ELP4: variants seen among roughly 807,000 people sequenced by gnomAD.
The protein encoded by ELP4 is elongator complex protein 4.
ELP4 carries 51 observed loss-of-function variants against 48.9 expected under a neutral mutation model. The observed-to-expected ratio is 1.04, with a 90% CI of 0.83 to 1.32. The LOEUF (loss-of-function observed/expected upper bound fraction) is 1.32. Ranked by LOEUF, ELP4 falls within the 40% of genes most tolerant of loss-of-function variation. The pLI is 0.00. For synonymous variants in ELP4, 210 were observed against 189.2 expected, an observed-to-expected ratio of 1.11 and a Z score of -0.90; for missense variants, 519 against 514.6, an observed-to-expected ratio of 1.01 and a Z score of -0.08.
intron 9 of ELP4, among the ~76,000 whole-genome samples, chr11:31,725,421 G>A (rs757776888): frequency 6.6e-6 from 1 of 152,100 alleles, no homozygotes; most frequent in Non-Finnish European, 1.5e-5. Context: ...GCCAGACCAT[G>A]GTCATGCAAG....
intron 7 of ELP4, among the ~76,000 whole-genome samples, chr11:31,644,300 C>T (rs1945157271): frequency 6.6e-6 from 1 of 151,798 alleles, no homozygotes; most frequent in Non-Finnish European, 1.5e-5. Context: ...ATGTTCCGTA[C>T]TGGAAACGAT....
chr11:31,726,179 A>C (rs1035252576), intron 9 of ELP4, among the ~76,000 whole-genome samples: 2 of 152,174 alleles, frequency 1.3e-5, no homozygotes, highest in Admixed American at 6.5e-5. Flanking sequence ...TACAGGATAT[A>C]AGATCAGAAA....
At chr11:31,688,239 A>T (rs989367508) in intron 9 of ELP4, among the ~76,000 whole-genome samples, 1 of 152,170 alleles carries the variant, frequency 6.6e-6, no homozygotes, top group Non-Finnish European at 1.5e-5. Flanking sequence ...AATGCTGTTT[A>T]TATATATGAA....
intron 9 of ELP4, among the ~76,000 whole-genome samples, chr11:31,721,005 G>T (rs1056839867): frequency 6.6e-6 from 1 of 152,142 alleles, no homozygotes; most frequent in Non-Finnish European, 1.5e-5. Context: ...TTCAAAATGT[G>T]CCTTACTCCC....
At chr11:31,547,703 A>G (rs961859451) in intron 3 of ELP4, among the ~76,000 whole-genome samples, 5 of 152,180 alleles carry the variant, frequency 3.3e-5, no homozygotes, top group Non-Finnish European at 7.3e-5. Context: ...TTTTAGACCA[A>G]TATCCTTGTT....
chr11:31,682,735 TTGAC>T (rs1161659586), intron 9 of ELP4, among the ~76,000 whole-genome samples: 1 of 152,052 alleles, frequency 6.6e-6, no homozygotes, highest in Non-Finnish European at 1.5e-5. Context: ...ATAATAGAAA[TTGAC>T]TGATACAAAA....
At chr11:31,550,318 G>C (rs1421717203) in intron 3 of ELP4, among the ~76,000 whole-genome samples, 1 of 151,976 alleles carries the variant, frequency 6.6e-6, no homozygotes, top group Non-Finnish European at 1.5e-5. Context: ...GCAGAATTTG[G>C]CGCATGATGG....
intron 9 of ELP4, among the ~76,000 whole-genome samples, chr11:31,740,604 G>C (rs1480847280): frequency 6.6e-6 from 1 of 152,200 alleles, no homozygotes; most frequent in African/African-American, 2.4e-5. Context: ...CGAAATGTTA[G>C]TCATAGTTGA....
chr11:31,532,770 G>GTTT (rs1166501622), intron 2 of ELP4, among the ~76,000 whole-genome samples: 1 of 123,532 alleles, frequency 8.1e-6, no homozygotes, highest in East Asian at 2.3e-4. Flanking sequence ...TTTTTTGTTG[G>GTTT]TTTTTTTTTT....
intron 3 of ELP4, among the ~76,000 whole-genome samples, chr11:31,588,782 A>G (rs963342324): frequency 2.6e-5 from 4 of 152,166 alleles, no homozygotes; most frequent in Non-Finnish European, 4.4e-5. Flanking sequence ...CAGGAGTTCA[A>G]GACCAGCCTG....
intron 5 of ELP4, among the ~76,000 whole-genome samples, chr11:31,625,694 C>T (rs1333265088): frequency 2.0e-5 from 3 of 151,766 alleles, no homozygotes; most frequent in African/African-American, 7.2e-5. Context: ...TTCATCAGAT[C>T]GTTGGCTGGA....
At chr11:31,732,520 A>T (rs1432048892) in intron 9 of ELP4, among the ~76,000 whole-genome samples, 2 of 152,120 alleles carry the variant, frequency 1.3e-5, no homozygotes, top group Non-Finnish European at 2.9e-5. Flanking sequence ...AAGAGAGGAT[A>T]AGACAGAAAA....
At chr11:31,631,631 C>T (rs1423620938) in intron 6 of ELP4, among the ~76,000 whole-genome samples, 1 of 152,104 alleles carries the variant, frequency 6.6e-6, no homozygotes, top group Non-Finnish European at 1.5e-5. Context: ...TGTCAGTAGG[C>T]TCAGGTTCTA....
intron 7 of ELP4, among the ~76,000 whole-genome samples, chr11:31,641,339 G>T (rs917721225): frequency 3.3e-5 from 5 of 151,712 alleles, no homozygotes; most frequent in African/African-American, 1.2e-4. Flanking sequence ...TGTAGCCCAA[G>T]AATTTTTTTT....
At chr11:31,659,754 G>A (rs541179961) in intron 9 of ELP4, among the ~76,000 whole-genome samples, 4 of 152,200 alleles carry the variant, frequency 2.6e-5, no homozygotes, top group East Asian at 3.9e-4. Flanking sequence ...TTGGGAGGCC[G>A]AGGTAGATGG....
chr11:31,764,715 G>T (rs573864027), intron 9 of ELP4, among the ~76,000 whole-genome samples: 11 of 152,272 alleles, frequency 7.2e-5, no homozygotes, highest in Non-Finnish European at 1.2e-4. Context: ...TAAATTTTCT[G>T]AAGGTGATTA....
intron 5 of ELP4, among the ~76,000 whole-genome samples, chr11:31,604,583 T>A (rs1471093706): frequency 3.3e-5 from 5 of 151,906 alleles, no homozygotes; most frequent in African/African-American, 1.2e-4. Context: ...AATTTTTATT[T>A]CAGTAAGTTA....
At chr11:31,692,514 A>T (rs1437164066) in intron 9 of ELP4, among the ~76,000 whole-genome samples, 1 of 152,056 alleles carries the variant, frequency 6.6e-6, no homozygotes, top group Non-Finnish European at 1.5e-5. Flanking sequence ...TACGCCATCA[A>T]TTTTTCATTT....
chr11:31,625,452 C>A (rs537373612), intron 5 of ELP4, among the ~76,000 whole-genome samples: 2 of 151,748 alleles, frequency 1.3e-5, no homozygotes, highest in Admixed American at 6.6e-5. Context: ...GTGGTGTACA[C>A]ACACACAATG....
Sources: gnomAD v4.1 joint callset for allele counts (sites outside exome capture counted in the v4.1 genomes callset) on GRCh38, gnomAD v4.1.1 for gene constraint, MANE v1.5 for transcripts, NCBI Gene and HGNC (gene_info 2026-07-23, HGNC 2026-07-21) for gene names.